The following SLC48A1 variants were observed in gnomAD, a reference collection of about 807,000 sequenced individuals.
SLC48A1 encodes solute carrier family 48 member 1.
In SLC48A1, 6 loss-of-function variants were observed where a neutral mutation model predicts 14.8. That is an observed-to-expected ratio of 0.41 (90% CI 0.22 to 0.80). The LOEUF (loss-of-function observed/expected upper bound fraction) is 0.80. Among genes scored for constraint, SLC48A1 ranks in the 30% least tolerant of loss-of-function variants. The pLI is 0.34. For synonymous variants in SLC48A1, 89 were observed against 90.0 expected (o/e 0.99, Z 0.06); for missense variants, 165 against 204.8 (o/e 0.81, Z 1.19).
chr12:47,758,626 CA>C, exon 1 of SLC48A1: 1 of 1,607,332 alleles, frequency 6.2e-7, no homozygotes, highest in Non-Finnish European at 8.5e-7. Flanking sequence ...CGACCCCCAT[CA>C]GCTTTGATAA....
chr12:47,775,732 G>A (rs1942738308), intron 1 of SLC48A1, among the ~76,000 whole-genome samples: 1 of 152,220 alleles, frequency 6.6e-6, no homozygotes, highest in African/African-American at 2.4e-5. Context: ...GACCAGGCAA[G>A]GACTGATTGG....
At chr12:47,773,502 T>C in intron 1 of SLC48A1, 62 bp downstream of exon 1, 1 of 1,272,892 alleles carries the variant, frequency 7.9e-7, no homozygotes, top group South Asian at 2.4e-5. Flanking sequence ...CGCCGTCAGC[T>C]GCTCCAGGAC....
At chr12:47,771,123 G>T, upstream of SLC48A1, 1 of 300,510 alleles carries the variant, frequency 3.3e-6, no homozygotes, top group Non-Finnish European at 6.7e-6. Flanking sequence ...AGGCAGGGGT[G>T]GGGCTGGGTT....
upstream of SLC48A1, among the ~76,000 whole-genome samples, chr12:47,771,191 A>G (rs1004720989): frequency 2.0e-5 from 3 of 152,212 alleles, no homozygotes; most frequent in African/African-American, 7.2e-5. Context: ...AAATGTGCTT[A>G]ACACTGGTTT....
In SLC48A1 at chr12:47,780,334, C is replaced by T. The variant is rs770154735; in HGVS notation, c.*53C>T. 3 of 1,613,360 alleles carry T rather than the reference C, an allele frequency of 1.9e-6. No homozygotes were observed. Among genetic ancestry groups the T allele is most frequent in the Non-Finnish European group, 2.5e-6 (3 of 1,179,456 alleles). ...GGGGGGCCTTAGGACCTGGACTCAG[C>T]CTCTGAGATGTTGGGAGAGGCTACT... On this transcript the variant is annotated 3_prime_UTR_variant, in exon 3 of 3. Transcript: ENST00000442218.
At position 47,777,995 on chromosome 12, in the gene SLC48A1, G is replaced by A. The variant is rs1418358130; in HGVS notation, c.137-1033G>A. On this transcript the variant is annotated intron_variant, in intron 1 of 2. Transcript: ENST00000442218. The surrounding 1 kb of genome is among the most constrained non-coding windows in gnomAD (Gnocchi z 4.5). The stretch of plus-strand genomic sequence containing the variant: ...GGCCTCCTGACTCCTAGGATGCAGC[G>A]GCCTGAGTGGCCCACACCTTGCAAC... 1.3e-5 allele frequency among the ~76,000 whole-genome samples: 2 copies of A among 152,154 alleles called. No homozygotes were observed. The highest frequency in any genetic ancestry group is 2.4e-5 in the African/African-American group (1 of 41,428).
At chr12:47,755,031 G>T (rs1941969457), upstream of SLC48A1, among the ~76,000 whole-genome samples, 1 of 152,222 alleles carries the variant, frequency 6.6e-6, no homozygotes, top group Non-Finnish European at 1.5e-5. Context: ...AAGGTGTCAA[G>T]CTAGGGCTGC....
chr12:47,767,679 G>A (rs1942545864), upstream of SLC48A1, among the ~76,000 whole-genome samples: 1 of 152,208 alleles, frequency 6.6e-6, no homozygotes, highest in Non-Finnish European at 1.5e-5. Context: ...ATAAAACAGA[G>A]CGAGGAATCC....
rs1386506741 is a variant in SLC48A1 at position 47,777,958 on chromosome 12, G to A, written c.137-1070G>A. Among the ~76,000 whole-genome samples the A allele has an allele frequency of 1.3e-5, 2 of 152,136 alleles. No individual in the cohort carries two copies. The highest frequency in any genetic ancestry group is 2.9e-5 in the Non-Finnish European group (2 of 68,034). On this transcript the variant is annotated intron_variant, in intron 1 of 2. Transcript: ENST00000442218. The surrounding 1 kb of genome is among the most constrained non-coding windows in gnomAD (Gnocchi z 4.5). ...TACTCTGAGTGGCATGTGTGCAGCT[G>A]CCTTTTGGAAAGGCCTCCTGACTCC...
At position 47,780,737 on chromosome 12, in the gene SLC48A1, T is replaced by G. The variant is rs1322250237; in HGVS notation, c.*456T>G. The G allele has an allele frequency of 5.0e-6, 2 of 397,814 alleles. No homozygotes were observed. Among genetic ancestry groups the G allele is most frequent in the Admixed American group, 3.0e-5 (1 of 33,564 alleles). 24.6% of individuals were successfully genotyped at this position (397,814 alleles called of 1,614,324 possible). On this transcript the variant is annotated 3_prime_UTR_variant, in exon 3 of 3. Coordinates refer to ENST00000442218, the MANE Select transcript of SLC48A1 (RefSeq NM_017842.3). ...ATCTGCCACCATGCCCGGCAAATTTTTGTGTTTTTAGTAGAGACAGGGTTT... is the reference window on the plus strand; with the variant it reads ...ATCTGCCACCATGCCCGGCAAATTTGTGTGTTTTTAGTAGAGACAGGGTTT...
At chr12:47,770,923 G>C (rs943021640), upstream of SLC48A1, 3 of 456,426 alleles carry the variant, frequency 6.6e-6, no homozygotes, top group Non-Finnish European at 8.8e-6. Flanking sequence ...CCACTGCCTG[G>C]AGTACTGTCC....
upstream of SLC48A1, among the ~76,000 whole-genome samples, chr12:47,769,886 AAATTTAAATT>A (rs1942594602): frequency 6.6e-6 from 1 of 152,204 alleles, no homozygotes; most frequent in Non-Finnish European, 1.5e-5. Flanking sequence ...TAAATACATT[AAATTTAAATT>A]AATTTAAATT....
intron 1 of SLC48A1, among the ~76,000 whole-genome samples, chr12:47,778,174 TTTGTA>T (rs1432542985): frequency 7.9e-5 from 12 of 152,284 alleles, no homozygotes; most frequent in African/African-American, 2.2e-4. Flanking sequence ...AGAGGGTTGT[TTTGTA>T]TTGTATTGGC....
intron 2 of SLC48A1, among the ~76,000 whole-genome samples, chr12:47,763,458 T>A (rs1942434525): frequency 6.6e-6 from 1 of 152,084 alleles, no homozygotes; most frequent in African/African-American, 2.4e-5. Flanking sequence ...ACAATACCCC[T>A]AGGAGTCGAC....
At chr12:47,756,003 A>G (rs1355617588), upstream of SLC48A1, 1 of 152,262 alleles carries the variant, frequency 6.6e-6, no homozygotes, top group African/African-American at 2.4e-5. Flanking sequence ...AAAGTTGGTC[A>G]TCAGAAGAGG....
upstream of SLC48A1, among the ~76,000 whole-genome samples, chr12:47,754,816 A>G (rs1181734807): frequency 6.6e-6 from 1 of 152,158 alleles, no homozygotes; most frequent in Non-Finnish European, 1.5e-5. Context: ...AGTCAAGGTG[A>G]AGGTCCTCCT....
chr12:47,772,537 G>A (rs1320682231), upstream of SLC48A1, among the ~76,000 whole-genome samples: 3 of 152,202 alleles, frequency 2.0e-5, no homozygotes, highest in Non-Finnish European at 2.9e-5. Flanking sequence ...ATACTAGCCA[G>A]GCGTGGTGGC....
chr12:47,754,729 C>G (rs1941952627), upstream of SLC48A1, among the ~76,000 whole-genome samples: 1 of 152,110 alleles, frequency 6.6e-6, no homozygotes, highest in Non-Finnish European at 1.5e-5. Flanking sequence ...GCCCTATTAC[C>G]AGGACACAGT....
At chr12:47,773,826 ACACG>A (rs889182460) in intron 1 of SLC48A1, among the ~76,000 whole-genome samples, 2 of 151,946 alleles carry the variant, frequency 1.3e-5, no homozygotes, top group Non-Finnish European at 2.9e-5. Flanking sequence ...ACACACACAC[ACACG>A]CACACACACA....
Sources: gnomAD v4.1 joint callset for allele counts (sites outside exome capture counted in the v4.1 genomes callset) on GRCh38, gnomAD v4.1.1 for gene constraint, Gnocchi (gnomAD v3.1) non-coding constraint, MANE v1.5 for transcripts, NCBI Gene and HGNC (gene_info 2026-07-23, HGNC 2026-07-21) for gene names.